Variants in KCND2 observed in about 807,000 individuals in gnomAD.
KCND2 encodes potassium voltage-gated channel subfamily D member 2.
Under a neutral mutation model 54.4 loss-of-function variants are expected in KCND2, and 16 were observed. That is an observed-to-expected ratio of 0.29 (90% confidence interval 0.20 to 0.45). The LOEUF (loss-of-function observed/expected upper bound fraction) is 0.45. Ranked by LOEUF, KCND2 falls within the 20% of genes least tolerant of loss-of-function variation. KCND2 has a pLI of 1.00. For synonymous variants in KCND2, 317 were observed against 310.7 expected (o/e 1.02, Z -0.21); for missense variants, 486 against 824.2 (o/e 0.59, Z 5.02).
chr7:120,353,213 G>A (rs1800443431), intron 1 of KCND2, among the ~76,000 whole-genome samples: 1 of 144,850 alleles, frequency 6.9e-6, no homozygotes, highest in African/African-American at 2.5e-5. Flanking sequence ...CATCTGGGAA[G>A]GGGTGAAAGT....
rs116271637 is a variant in KCND2, at chr7:120,396,524, G to A, written c.1115+120777G>A. On this transcript the variant is annotated intron_variant, in intron 1 of 5. Coordinates refer to ENST00000331113, the MANE Select transcript of KCND2 (RefSeq NM_012281.3). ...TTTTTTAATAGGAGATTGGTTAACTGACTTGAATTTTTCACTGGGTTTATA... is the reference window on the plus strand; with the variant it reads ...TTTTTTAATAGGAGATTGGTTAACTAACTTGAATTTTTCACTGGGTTTATA... Among the ~76,000 whole-genome samples the A allele has an allele frequency of 9.5e-3, 1,450 of 152,066 alleles. 23 individuals are homozygous for A. The highest frequency in any genetic ancestry group is 0.033 in the African/African-American group (1,354 of 41,500).
intron 1 of KCND2, among the ~76,000 whole-genome samples, chr7:120,382,906 G>A (rs1055995862): frequency 4.1e-4 from 62 of 151,746 alleles, no homozygotes; most frequent in Admixed American, 3.8e-3. Flanking sequence ...TTCAGAGTTC[G>A]AAAATCAGCA....
chr7:120,423,713 T>A (rs745944894), intron 1 of KCND2, among the ~76,000 whole-genome samples: 2 of 152,202 alleles, frequency 1.3e-5, no homozygotes, highest in Non-Finnish European at 2.9e-5. Flanking sequence ...ACCATTACAG[T>A]CATACTGCAT....
At chr7:120,543,544 A>C (rs1039471188) in intron 1 of KCND2, among the ~76,000 whole-genome samples, 12 of 152,078 alleles carry the variant, frequency 7.9e-5, no homozygotes, top group Non-Finnish European at 1.3e-4. Flanking sequence ...TACTTAAAAT[A>C]CTATTTTAAT....
At chr7:120,570,044 C>G (rs1792343323) in intron 1 of KCND2, among the ~76,000 whole-genome samples, 1 of 152,092 alleles carries the variant, frequency 6.6e-6, no homozygotes, top group South Asian at 2.1e-4. Flanking sequence ...GTGTCCGTGT[C>G]CCTTTTTGTG....
At chr7:120,718,373 C>T (rs144021160) in intron 1 of KCND2, among the ~76,000 whole-genome samples, 10 of 152,080 alleles carry the variant, frequency 6.6e-5, no homozygotes, top group African/African-American at 1.7e-4. Context: ...TGCTTTTCTA[C>T]TGCTTACAGG....
intron 1 of KCND2, among the ~76,000 whole-genome samples, chr7:120,295,262 A>C (rs1799491445): frequency 6.6e-6 from 1 of 151,672 alleles, no homozygotes; most frequent in Non-Finnish European, 1.5e-5. Flanking sequence ...TTGAGTGCCT[A>C]CACTGGGCCA....
intron 1 of KCND2, among the ~76,000 whole-genome samples, chr7:120,448,344 A>G (rs751274618): frequency 2.6e-5 from 4 of 152,144 alleles, no homozygotes; most frequent in Non-Finnish European, 5.9e-5. Flanking sequence ...CCATGTCCCT[A>G]CAAAGGACAT....
chr7:120,342,720 ATTAT>A (rs1186795643), intron 1 of KCND2, among the ~76,000 whole-genome samples: 4 of 152,126 alleles, frequency 2.6e-5, no homozygotes, highest in Admixed American at 6.6e-5. Flanking sequence ...GCATAAAATG[ATTAT>A]TTAGAGTATT....
chr7:120,381,423 C>G (rs1418138848), intron 1 of KCND2, among the ~76,000 whole-genome samples: 1 of 151,956 alleles, frequency 6.6e-6, no homozygotes, highest in African/African-American at 2.4e-5. Flanking sequence ...CCAAGGGAAG[C>G]AACTTCAAGT....
chr7:120,306,467 A>G (rs974670406), intron 1 of KCND2, among the ~76,000 whole-genome samples: 1 of 152,080 alleles, frequency 6.6e-6, no homozygotes, highest in Non-Finnish European at 1.5e-5. Context: ...CAAAGTTTAG[A>G]TGGCAGTGAA....
chr7:120,410,276 T>A (rs969743445), intron 1 of KCND2, among the ~76,000 whole-genome samples: 1 of 151,648 alleles, frequency 6.6e-6, no homozygotes, highest in East Asian at 1.9e-4. Context: ...CATCACACTA[T>A]TTTTACAATG....
In KCND2 at chr7:120,274,461, C is replaced by G; in HGVS notation, c.-172C>G. 1.3e-6 allele frequency: 1 copy of G among 742,284 alleles called. No homozygotes were observed. The highest frequency in any genetic ancestry group is 1.8e-5 in the African/African-American group (1 of 57,094). 46.0% of individuals were successfully genotyped at this position (742,284 alleles called of 1,614,324 possible). Reference sequence around the variant, plus strand: ...TACCTGTCTTGGAGGGAAAGTTGCCCTTCTGAGAACTGTGACTTTACCAGG... The same window carrying G: ...TACCTGTCTTGGAGGGAAAGTTGCCGTTCTGAGAACTGTGACTTTACCAGG... On this transcript the variant is annotated 5_prime_UTR_variant, in exon 1 of 6. Transcript: ENST00000331113.
intron 1 of KCND2, among the ~76,000 whole-genome samples, chr7:120,368,776 A>C (rs1437534017): frequency 6.6e-6 from 1 of 152,144 alleles, no homozygotes; most frequent in Non-Finnish European, 1.5e-5. Flanking sequence ...AAGAATTAAA[A>C]GGTTGAAATG....
chr7:120,291,720 T>C (rs1481567841), intron 1 of KCND2, among the ~76,000 whole-genome samples: 3 of 151,906 alleles, frequency 2.0e-5, no homozygotes, highest in Non-Finnish European at 2.9e-5. Flanking sequence ...TGGCTGATTC[T>C]ACAGAGCCTG....
At chr7:120,679,117 G>T (rs1216976877) in intron 1 of KCND2, among the ~76,000 whole-genome samples, 1 of 151,618 alleles carries the variant, frequency 6.6e-6, no homozygotes, top group African/African-American at 2.4e-5. Flanking sequence ...CCTACCCTGA[G>T]GCTTTATTTT....
At chr7:120,447,996 G>T (rs1017994281) in intron 1 of KCND2, among the ~76,000 whole-genome samples, 1 of 152,036 alleles carries the variant, frequency 6.6e-6, no homozygotes, top group Non-Finnish European at 1.5e-5. Flanking sequence ...GATTTATATT[G>T]CATTGAGAAA....
rs577547619 is a variant in KCND2, at chr7:120,446,911, C to T, written c.1115+171164C>T. Among the ~76,000 whole-genome samples the T allele has an allele frequency of 3.9e-5, 6 of 152,192 alleles. No individual in the cohort carries two copies. In the South Asian group the frequency reaches 1.0e-3, roughly 26 times the overall value. On this transcript the variant is annotated intron_variant, in intron 1 of 5. Coordinates refer to ENST00000331113, the MANE Select transcript of KCND2 (RefSeq NM_012281.3). ...TTCTAAAAACTTGATTTAGCTGGAC[C>T]GGAGTTTCTAAAGAATTACTTCAGG...
intron 1 of KCND2, among the ~76,000 whole-genome samples, chr7:120,584,914 G>A (rs563066988): frequency 6.6e-6 from 1 of 152,178 alleles, no homozygotes; most frequent in Non-Finnish European, 1.5e-5. Flanking sequence ...AAATTCAACA[G>A]TAGAAAAAGA....
Sources: allele counts gnomAD v4.1 joint callset (sites outside exome capture counted in the v4.1 genomes callset), GRCh38; gene constraint gnomAD v4.1.1; transcripts MANE v1.5; gene names NCBI Gene and HGNC (gene_info 2026-07-23, HGNC 2026-07-21).